Variants in SVOPL observed in about 807,000 individuals in gnomAD.
The protein encoded by SVOPL is SVOP like, also known as putative transporter SVOPL.
Under a neutral mutation model 61.0 loss-of-function variants are expected in SVOPL, and 60 were observed. That is an observed-to-expected ratio of 0.98 (90% CI 0.80 to 1.22). The LOEUF is 1.22. Ranked by LOEUF, SVOPL falls within the 50% of genes most tolerant of loss-of-function variation. The probability of loss-of-function intolerance (pLI) is 0.00; values close to 1 mark genes in which losing one functional copy is unlikely to be tolerated. For synonymous variants in SVOPL, 279 were observed against 250.0 expected (o/e 1.12, Z -1.09); for missense variants, 662 against 643.9 (o/e 1.03, Z -0.30).
intron 4 of SVOPL, among the ~76,000 whole-genome samples, chr7:138,671,586 G>A (rs1397136900): frequency 6.6e-6 from 1 of 152,114 alleles, no homozygotes; most frequent in East Asian, 1.9e-4. Flanking sequence ...GACCTCAGGT[G>A]ATCTGCCTGC....
At chr7:138,599,662 T>C (rs1381252312) in intron 14 of SVOPL, among the ~76,000 whole-genome samples, 1 of 152,056 alleles carries the variant, frequency 6.6e-6, no homozygotes, top group Non-Finnish European at 1.5e-5. Context: ...CCAAGGCAGG[T>C]GGATCACCTG....
chr7:138,696,544 T>TC (rs1803069375), intron 1 of SVOPL, among the ~76,000 whole-genome samples: 1 of 152,100 alleles, frequency 6.6e-6, no homozygotes, highest in Admixed American at 6.6e-5. Flanking sequence ...TGCCTCAGCC[T>TC]CCCAAGTAGC....
chr7:138,636,032 C>T lies in SVOPL; in HGVS notation c.790-5910G>A, dbSNP rs150437218. ...CTCCCAGATGCAAGTGATTCTCCTG[C>T]CTCAGCCTCCCAAGCAGCTGGGAGT... On this transcript the variant is annotated intron_variant, in intron 9 of 15. Coordinates refer to ENST00000674285, the MANE Select transcript of SVOPL (RefSeq NM_001139456.2). Among the ~76,000 whole-genome samples, 717 of 152,282 alleles carry T rather than the reference C, an allele frequency of 4.7e-3. 7 individuals carry two copies. Among genetic ancestry groups the T allele is most frequent in the African/African-American group, 0.016 (674 of 41,564 alleles).
intron 5 of SVOPL, chr7:138,662,479 A>C (rs1011941908): frequency 1.0e-6 from 1 of 985,526 alleles, no homozygotes; most frequent in African/African-American, 1.7e-5. Flanking sequence ...CTCATGACAC[A>C]TAGTCCTGAA....
intron 14 of SVOPL, among the ~76,000 whole-genome samples, chr7:138,617,283 T>G (rs1481151368): frequency 6.6e-6 from 1 of 152,228 alleles, no homozygotes; most frequent in Non-Finnish European, 1.5e-5. Flanking sequence ...AACATTCATT[T>G]TAAAAGAGAC....
At chr7:138,639,800 C>T (rs1005880121) in intron 9 of SVOPL, among the ~76,000 whole-genome samples, 5 of 152,044 alleles carry the variant, frequency 3.3e-5, no homozygotes, top group Non-Finnish European at 2.9e-5. Flanking sequence ...CCTTGACATC[C>T]TAGGCTCAAG....
At chr7:138,671,172 C>T (rs1802406290) in intron 4 of SVOPL, among the ~76,000 whole-genome samples, 1 of 152,150 alleles carries the variant, frequency 6.6e-6, no homozygotes, top group African/African-American at 2.4e-5. Context: ...AGGTGGGGTG[C>T]TTCTGGCCCT....
chr7:138,622,448 C>G (rs1799712601), intron 13 of SVOPL, among the ~76,000 whole-genome samples: 1 of 151,654 alleles, frequency 6.6e-6, no homozygotes, highest in Non-Finnish European at 1.5e-5. Context: ...GCATGCACCA[C>G]CGTGCCTGGC....
At chr7:138,665,662 C>T (rs781737766) in intron 4 of SVOPL, among the ~76,000 whole-genome samples, 11 of 152,158 alleles carry the variant, frequency 7.2e-5, no homozygotes, top group Non-Finnish European at 1.2e-4. Context: ...TTTTGTAGTG[C>T]AGGTGCAAAT....
At position 138,676,985 on chromosome 7, in the gene SVOPL, C is replaced by G. The variant is rs543270068; in HGVS notation, c.174+1449G>C. Among the ~76,000 whole-genome samples the G allele has an allele frequency of 5.4e-5, 8 of 147,924 alleles. No homozygotes were observed. The South Asian group carries it at 6.4e-4, about 12-fold the overall frequency. ...GTGGCACTATCGCAGCTCACTGCAA[C>G]CTCCACCTCCCGGATTCACGCCATT... is the stretch of plus-strand genomic sequence containing the variant. On this transcript the variant is annotated intron_variant, in intron 3 of 15. Transcript: ENST00000674285.
At chr7:138,639,931 G>A (rs1800699112) in intron 9 of SVOPL, among the ~76,000 whole-genome samples, 1 of 151,478 alleles carries the variant, frequency 6.6e-6, no homozygotes, top group South Asian at 2.1e-4. Context: ...TTTTTTAGCG[G>A]GGAGCGGTAA....
At chr7:138,630,951 G>GAAAAAAAAAA (rs57139655) in intron 9 of SVOPL, among the ~76,000 whole-genome samples, 1 of 76,338 alleles carries the variant, frequency 1.3e-5, no homozygotes, top group Non-Finnish European at 3.2e-5. Flanking sequence ...CTCAAAAAAA[G>GAAAAAAAAAA]AAAAAAAAAA....
chr7:138,634,093 C>A (rs1043442525), intron 9 of SVOPL, among the ~76,000 whole-genome samples: 2 of 152,224 alleles, frequency 1.3e-5, no homozygotes, highest in Non-Finnish European at 2.9e-5. Context: ...GTACTAGCAG[C>A]TTTTCTCTGT....
At chr7:138,619,549 T>C (rs1049743390) in intron 14 of SVOPL, among the ~76,000 whole-genome samples, 20 of 141,008 alleles carry the variant, frequency 1.4e-4, no homozygotes, top group Admixed American at 7.2e-4. Context: ...ATTAGCTTGG[T>C]TTCTCAGATG....
chr7:138,654,130 CAAAAA>C (rs34730936), intron 7 of SVOPL, among the ~76,000 whole-genome samples: 5 of 99,186 alleles, frequency 5.0e-5, no homozygotes, highest in Admixed American at 1.1e-4. Context: ...AAGACTCCCT[CAAAAA>C]AAAAAAAAAA....
chr7:138,690,634 GGAGAGTAGGGAGTGACT>G (rs1340647716), intron 1 of SVOPL, among the ~76,000 whole-genome samples: 5 of 152,116 alleles, frequency 3.3e-5, no homozygotes, highest in Admixed American at 3.3e-4. Flanking sequence ...GGGGGGAGGA[GGAGAGTAGGGAGTGACT>G]GATAATAGGT....
intron 6 of SVOPL, among the ~76,000 whole-genome samples, chr7:138,657,561 T>C (rs1430887778): frequency 1.3e-5 from 2 of 152,230 alleles, no homozygotes; most frequent in South Asian, 4.1e-4. Context: ...TATTTTCTTC[T>C]GAATATAAGA....
rs1168541705 is a variant in SVOPL, at chr7:138,628,315, C to T, written c.912G>A (p.Glu304=). 1.9e-6 allele frequency: 3 copies of T among 1,614,070 alleles called. No individual in the cohort carries two copies. In the African/African-American group the frequency reaches 4.0e-5, roughly 22 times the overall value. The change falls in exon 11 of 16, where the codon GAG becomes GAA. Residue 304 remains glutamate, a synonymous_variant. Transcript: ENST00000674285. ...AYYGVILASA[E]LLERDLVCGS... ...CACAGACCAAGTCCCGCTCCAGCAGCTCAGCACTGGCCAGGATAACCCCAT... is the reference window on the plus strand; with the variant it reads ...CACAGACCAAGTCCCGCTCCAGCAGTTCAGCACTGGCCAGGATAACCCCAT...
chr7:138,659,693 G>GT (rs1044548843), intron 6 of SVOPL, among the ~76,000 whole-genome samples, 171 bp downstream of exon 6: 23 of 152,044 alleles, frequency 1.5e-4, no homozygotes, highest in African/African-American at 5.6e-4. Flanking sequence ...CTGAGGCTGT[G>GT]TCACAGCCAC....
Sources: allele counts gnomAD v4.1 joint callset (sites outside exome capture counted in the v4.1 genomes callset), GRCh38; gene constraint gnomAD v4.1.1; transcripts MANE v1.5; gene names NCBI Gene and HGNC (gene_info 2026-07-23, HGNC 2026-07-21).